The following AK5 variants were observed in gnomAD, a reference collection of about 807,000 sequenced individuals.
The protein encoded by AK5 is adenylate kinase isoenzyme 5.
A neutral mutation model predicts 69.5 loss-of-function variants in AK5; 27 were observed. The ratio of observed to expected loss-of-function variants is 0.39; its 90% CI spans 0.29 to 0.54. The LOEUF (loss-of-function observed/expected upper bound fraction) is 0.54. AK5 is among the 20% of genes least tolerant of loss of function. The pLI is 0.71. For missense variants in AK5, 531 were observed against 700.4 expected (o/e 0.76, Z 2.73); for synonymous variants, 260 against 244.4 (o/e 1.06, Z -0.60).
chr1:77,506,620 AT>A, intron 10 of AK5, among the ~76,000 whole-genome samples: 1 of 152,288 alleles, frequency 6.6e-6, no homozygotes, highest in East Asian at 1.9e-4. Context: ...CGCTGTGGCT[AT>A]GGTGGGTGTT....
chr1:77,289,862 CAAAAAAAAAAAA>C (rs55819317), intron 2 of AK5, among the ~76,000 whole-genome samples: 4 of 64,700 alleles, frequency 6.2e-5, no homozygotes, highest in African/African-American at 2.5e-4. Flanking sequence ...GACTCCGTCT[CAAAAAAAAAAAA>C]AAAAAAAAAA....
chr1:77,464,108 G>A (rs1265895153), intron 8 of AK5, among the ~76,000 whole-genome samples: 3 of 152,198 alleles, frequency 2.0e-5, no homozygotes, highest in Non-Finnish European at 4.4e-5. Flanking sequence ...TAGTTCAGCT[G>A]AAGACAGGGT....
intron 8 of AK5, among the ~76,000 whole-genome samples, chr1:77,435,455 G>A (rs774669382): frequency 9.2e-5 from 14 of 151,918 alleles, no homozygotes; most frequent in Non-Finnish European, 1.5e-4. Flanking sequence ...CGAGACCATC[G>A]TGGCCTACAT....
chr1:77,525,723 A>G (rs1229198183), intron 12 of AK5, among the ~76,000 whole-genome samples: 2 of 152,186 alleles, frequency 1.3e-5, no homozygotes, highest in Non-Finnish European at 2.9e-5. Context: ...ACAAATTCCA[A>G]ACCATACTAG....
intron 8 of AK5, among the ~76,000 whole-genome samples, chr1:77,455,926 C>T (rs1033151825): frequency 6.6e-6 from 1 of 152,148 alleles, no homozygotes; most frequent in South Asian, 2.1e-4. Context: ...CAGAATAGAG[C>T]AGATCAAAAG....
At chr1:77,362,387 A>G (rs960474797) in intron 6 of AK5, among the ~76,000 whole-genome samples, 2 of 152,154 alleles carry the variant, frequency 1.3e-5, no homozygotes, top group Admixed American at 1.3e-4. Context: ...TAAAACCGCC[A>G]TTATCTGTCC....
chr1:77,456,929 A>C (rs113825251), intron 8 of AK5, among the ~76,000 whole-genome samples: 1 of 151,900 alleles, frequency 6.6e-6, no homozygotes, highest in Non-Finnish European at 1.5e-5. Context: ...CTTAAAAAAA[A>C]AAAAAAAGTC....
intron 6 of AK5, among the ~76,000 whole-genome samples, chr1:77,395,737 T>G (rs1321913610): frequency 6.6e-6 from 1 of 152,172 alleles, no homozygotes. Context: ...ACAAAAGTGA[T>G]AGAGAAGGTT....
intron 5 of AK5, among the ~76,000 whole-genome samples, chr1:77,323,523 A>G (rs879253661): frequency 1.3e-5 from 2 of 152,202 alleles, no homozygotes; most frequent in Admixed American, 1.3e-4. Flanking sequence ...ATTCTTTAAT[A>G]TTATTTTTGT....
Position 77,367,820 on chromosome 1 carries a change from A to AATATATG in AK5, c.891+27252_891+27253insATATATG, listed in dbSNP as rs1647014307. ...GTTATATATAATATATGTTATATAT[A>AATATATG]TTATATATAATATATGTTATATATA... On this transcript the variant is annotated intron_variant, in intron 6 of 13. Transcript: ENST00000354567. 8.0e-4 allele frequency among the ~76,000 whole-genome samples: 26 copies of AATATATG among 32,644 alleles called. 7 individuals are homozygous for AATATATG. The highest frequency in any genetic ancestry group is 9.6e-4 in the Non-Finnish European group (20 of 20,842). 21.4% of individuals were successfully genotyped at this position (32,644 alleles called of 152,430 possible).
At chr1:77,448,249 G>A (rs1652879395) in intron 8 of AK5, among the ~76,000 whole-genome samples, 1 of 152,188 alleles carries the variant, frequency 6.6e-6, no homozygotes, top group Non-Finnish European at 1.5e-5. Flanking sequence ...GTAAGAACTT[G>A]TGGTGCTCTT....
chr1:77,498,794 A>G (rs114002858), intron 10 of AK5, among the ~76,000 whole-genome samples: 1 of 152,236 alleles, frequency 6.6e-6, no homozygotes, highest in Non-Finnish European at 1.5e-5. Flanking sequence ...AAGGAACAAG[A>G]TGAGGAAACC....
intron 8 of AK5, among the ~76,000 whole-genome samples, chr1:77,444,167 C>T (rs1362369108): frequency 1.0e-3 from 148 of 142,580 alleles, no homozygotes; most frequent in African/African-American, 3.8e-3. Context: ...CTCTCTCACT[C>T]TCTCTCTATA....
Position 77,486,353 on chromosome 1 carries a change from G to A in AK5, c.1147+1G>A. 1 of 1,577,842 alleles carries A rather than the reference G, an allele frequency of 6.3e-7. No individual in the cohort carries two copies. The highest frequency in any genetic ancestry group is 8.7e-7 in the Non-Finnish European group (1 of 1,150,674). On this transcript the variant is annotated splice_donor_variant, in intron 10 of 13. Transcript: ENST00000354567. LOFTEE classifies it high-confidence loss of function. ...AAGTGTAAAATTATTTTCATAATTG[G>A]TGAGTAACAGCCCTTGCATTTTCTA... is the stretch of plus-strand genomic sequence containing the variant.
chr1:77,408,916 T>G (rs764335213), intron 6 of AK5, among the ~76,000 whole-genome samples: 2 of 152,168 alleles, frequency 1.3e-5, no homozygotes, highest in Non-Finnish European at 2.9e-5. Flanking sequence ...CTCCTCCTAC[T>G]CTCCCCGCTC....
At chr1:77,410,576 A>T (rs1052374346) in intron 6 of AK5, among the ~76,000 whole-genome samples, 50 of 119,976 alleles carry the variant, frequency 4.2e-4, no homozygotes, top group African/African-American at 1.5e-3. Context: ...CACTGCACCC[A>T]GCCTCTTTGT....
chr1:77,355,819 A>G (rs1662481938), intron 6 of AK5, among the ~76,000 whole-genome samples: 1 of 151,620 alleles, frequency 6.6e-6, no homozygotes, highest in South Asian at 2.1e-4. Flanking sequence ...ATATTTACTA[A>G]ATGAATAGAC....
chr1:77,319,439 A>G (rs914042657), intron 5 of AK5, among the ~76,000 whole-genome samples: 4 of 152,190 alleles, frequency 2.6e-5, no homozygotes, highest in African/African-American at 9.6e-5. Flanking sequence ...TCTTTTATCT[A>G]CTTTTTGTAT....
chr1:77,471,189 CAT>C (rs1029336959), intron 8 of AK5, among the ~76,000 whole-genome samples: 14 of 151,950 alleles, frequency 9.2e-5, no homozygotes, highest in African/African-American at 3.1e-4. Flanking sequence ...GCCTAGAAGA[CAT>C]ATTTTTTAAA....
Sources: allele counts gnomAD v4.1 joint callset (sites outside exome capture counted in the v4.1 genomes callset), GRCh38; gene constraint gnomAD v4.1.1; transcripts MANE v1.5; gene names NCBI Gene and HGNC (gene_info 2026-07-23, HGNC 2026-07-21).